Variants in PYDC5 observed in about 807,000 individuals in gnomAD.
PYDC5 encodes pyrin domain-containing protein 5.
the PYDC5 span, among the ~76,000 whole-genome samples, chr1:159,000,815 G>A: frequency 6.6e-6 from 1 of 152,138 alleles, no homozygotes; most frequent in Non-Finnish European, 1.5e-5. Flanking sequence ...TGGCTCATGG[G>A]GGTGGATCCC....
At chr1:159,001,965 G>A in the PYDC5 span, among the ~76,000 whole-genome samples, 1 of 152,164 alleles carries the variant, frequency 6.6e-6, no homozygotes, top group Non-Finnish European at 1.5e-5. Context: ...AGCTGACACT[G>A]GGTAGCAACT....
At chr1:159,000,463 A>T in the PYDC5 span, 1 of 154,242 alleles carries the variant, frequency 6.5e-6, no homozygotes, top group Non-Finnish European at 1.4e-5. Context: ...ATTTTGGTGA[A>T]ATATAAGAAA....
At chr1:159,002,005 C>T in the PYDC5 span, among the ~76,000 whole-genome samples, 1 of 152,054 alleles carries the variant, frequency 6.6e-6, no homozygotes, top group Non-Finnish European at 1.5e-5. Context: ...TCACATGAAG[C>T]CTGGAAGACA....
the PYDC5 span, chr1:159,000,188 G>A: frequency 2.1e-4 from 48 of 233,506 alleles, no homozygotes; most frequent in South Asian, 4.2e-3. Context: ...GCTGTTTAGA[G>A]TATGCAGTTT....
At chr1:159,002,321 A>G in the PYDC5 span, among the ~76,000 whole-genome samples, 1 of 152,160 alleles carries the variant, frequency 6.6e-6, no homozygotes, top group Non-Finnish European at 1.5e-5. Flanking sequence ...AAAAATTAAA[A>G]AAGAAAGAAA....
the PYDC5 span, chr1:159,000,194 A>T: frequency 0.013 from 3,159 of 239,848 alleles, 88 homozygotes; most frequent in African/African-American, 0.066. Context: ...TAGAGTATGC[A>T]GTTTGCCTGT....
At chr1:159,002,170 C>A in the PYDC5 span, among the ~76,000 whole-genome samples, 1 of 152,124 alleles carries the variant, frequency 6.6e-6, no homozygotes, top group Non-Finnish European at 1.5e-5. Context: ...AATTAGGTGG[C>A]ATGAGTTACC....
At chr1:159,000,623 A>T in the PYDC5 span, among the ~76,000 whole-genome samples, 1 of 152,196 alleles carries the variant, frequency 6.6e-6, no homozygotes, top group Non-Finnish European at 1.5e-5. Context: ...AACACAATGC[A>T]CATATTTCAC....
chr1:159,000,204 T>G, the PYDC5 span: 1 of 249,002 alleles, frequency 4.0e-6, no homozygotes, highest in African/African-American at 2.3e-5. Context: ...AGTTTGCCTG[T>G]GGCAATATTA....
chr1:159,002,050 A>T, the PYDC5 span, among the ~76,000 whole-genome samples: 2 of 152,220 alleles, frequency 1.3e-5, no homozygotes, highest in African/African-American at 4.8e-5. Context: ...GCATATAATC[A>T]TCTCTGAATG....
chr1:159,001,834 A>C, the PYDC5 span, among the ~76,000 whole-genome samples: 1 of 152,236 alleles, frequency 6.6e-6, no homozygotes, highest in Non-Finnish European at 1.5e-5. Context: ...ACATATTTTA[A>C]AGTATTTGCT....
At chr1:159,000,895 T>A in the PYDC5 span, among the ~76,000 whole-genome samples, 1 of 152,128 alleles carries the variant, frequency 6.6e-6, no homozygotes, top group Non-Finnish European at 1.5e-5. Context: ...GATCTGATTA[T>A]TTAAAGTGTG....
the PYDC5 span, chr1:159,000,181 GT>G: frequency 4.5e-6 from 1 of 224,474 alleles, no homozygotes; most frequent in Non-Finnish European, 9.6e-6. Flanking sequence ...TACTCGTGCT[GT>G]TTAGAGTATG....
chr1:159,001,274 T>G, the PYDC5 span, among the ~76,000 whole-genome samples: 1 of 152,208 alleles, frequency 6.6e-6, no homozygotes, highest in African/African-American at 2.4e-5. Context: ...AATTTTACTT[T>G]AAAAGTAGCA....
chr1:159,001,370 C>T, the PYDC5 span, among the ~76,000 whole-genome samples: 3 of 152,094 alleles, frequency 2.0e-5, no homozygotes, highest in South Asian at 6.2e-4. Flanking sequence ...AGGGGAGGCT[C>T]CCATTGATAG....
At chr1:159,000,810 C>T in the PYDC5 span, among the ~76,000 whole-genome samples, 1 of 152,124 alleles carries the variant, frequency 6.6e-6, no homozygotes, top group African/African-American at 2.4e-5. Context: ...GTGCTTGGCT[C>T]ATGGGGGTGG....
At chr1:159,000,364 C>T in the PYDC5 span, 1 of 203,542 alleles carries the variant, frequency 4.9e-6, no homozygotes, top group Non-Finnish European at 1.1e-5. Context: ...ATTATACCAC[C>T]AAAAGTGATT....
the PYDC5 span, among the ~76,000 whole-genome samples, chr1:159,002,099 T>C: frequency 1.3e-5 from 2 of 152,196 alleles, no homozygotes; most frequent in African/African-American, 4.8e-5. Context: ...AAATACACAG[T>C]ATGGTATGCC....
the PYDC5 span, among the ~76,000 whole-genome samples, chr1:159,001,433 T>C: frequency 6.6e-6 from 1 of 152,234 alleles, no homozygotes; most frequent in Non-Finnish European, 1.5e-5. Context: ...CTTATTATTT[T>C]TTCCTATAGA....
Sources: gnomAD v4.1 joint callset for allele counts (sites outside exome capture counted in the v4.1 genomes callset) on GRCh38, gnomAD v4.1.1 for gene constraint, MANE v1.5 for transcripts, NCBI Gene and HGNC (gene_info 2026-07-23, HGNC 2026-07-21) for gene names.